Variants in CPNE8 observed in about 807,000 individuals in gnomAD.
CPNE8 encodes the protein copine 8.
In CPNE8, 45 loss-of-function variants were observed where a neutral mutation model predicts 81.5. The ratio of observed to expected loss-of-function variants is 0.55; its 90% CI spans 0.44 to 0.71. CPNE8 has a LOEUF of 0.71. CPNE8 is among the 30% of genes least tolerant of loss of function. The pLI, the probability that CPNE8 is intolerant of heterozygous loss-of-function variation, is 0.00. For synonymous variants in CPNE8, 252 were observed against 226.3 expected (o/e 1.11, Z -1.02); for missense variants, 594 against 672.1 (o/e 0.88, Z 1.28).
chr12:38,676,476 G>A (rs1392761203), intron 17 of CPNE8: 3 of 182,226 alleles, frequency 1.6e-5, no homozygotes, highest in African/African-American at 7.2e-5. Context: ...GGGGGAAAGT[G>A]GTAACAGATT....
chr12:38,896,987 T>C (rs1944396834), intron 1 of CPNE8, among the ~76,000 whole-genome samples: 1 of 152,112 alleles, frequency 6.6e-6, no homozygotes, highest in Admixed American at 6.5e-5. Flanking sequence ...TTTATTTCAT[T>C]TACTCATCCA....
intron 3 of CPNE8, among the ~76,000 whole-genome samples, chr12:38,869,648 T>C (rs1297063831): frequency 1.3e-5 from 2 of 152,226 alleles, no homozygotes; most frequent in Non-Finnish European, 2.9e-5. Flanking sequence ...TTCCTTTCTA[T>C]TCTTCCAGAC....
intron 6 of CPNE8, among the ~76,000 whole-genome samples, chr12:38,788,182 T>C (rs1210929258): frequency 6.6e-6 from 1 of 151,796 alleles, no homozygotes; most frequent in Admixed American, 6.6e-5. Context: ...CAGGCCAATA[T>C]CTCTGATGAA....
intron 6 of CPNE8, among the ~76,000 whole-genome samples, chr12:38,812,312 A>G (rs894987660): frequency 1.3e-5 from 2 of 152,198 alleles, no homozygotes; most frequent in African/African-American, 4.8e-5. Context: ...TGCTGCTAAT[A>G]AAGACATACC....
At chr12:38,702,942 A>G (rs186928511) in intron 13 of CPNE8, 21 bp from the exon 14 acceptor site, 15 of 1,508,362 alleles carry the variant, frequency 9.9e-6, no homozygotes, top group Non-Finnish European at 9.0e-7. Flanking sequence ...AGTAAACAAG[A>G]CTCATTAATA....
intron 10 of CPNE8, among the ~76,000 whole-genome samples, chr12:38,759,233 G>A (rs1031723956): frequency 5.3e-5 from 8 of 152,092 alleles, no homozygotes; most frequent in African/African-American, 1.9e-4. Context: ...TGCACTTTTT[G>A]TTTCTAAATG....
At chr12:38,711,107 A>G (rs1290535961) in intron 13 of CPNE8, among the ~76,000 whole-genome samples, 1 of 152,212 alleles carries the variant, frequency 6.6e-6, no homozygotes, top group African/African-American at 2.4e-5. Flanking sequence ...TATATGTTTC[A>G]AGAGAAAATT....
Position 38,857,675 on chromosome 12 carries a change from G to A in CPNE8, c.187-9013C>T, listed in dbSNP as rs147587161. Among the ~76,000 whole-genome samples the A allele has an allele frequency of 3.0e-3, 464 of 152,260 alleles. 5 individuals carry two copies. The highest frequency in any genetic ancestry group is 0.01 in the African/African-American group (429 of 41,542). ...CGCCTGTAATCCCAGCACTTTAAGAGGCCAGGGTGGGTGGATCACGAGGTC... is the reference window on the plus strand; with the variant it reads ...CGCCTGTAATCCCAGCACTTTAAGAAGCCAGGGTGGGTGGATCACGAGGTC... On this transcript the variant is annotated intron_variant, in intron 3 of 19. Transcript: ENST00000331366.
At chr12:38,864,379 C>T (rs1205734257) in intron 3 of CPNE8, among the ~76,000 whole-genome samples, 1 of 151,954 alleles carries the variant, frequency 6.6e-6, no homozygotes, top group Non-Finnish European at 1.5e-5. Context: ...CCCACCTAGC[C>T]TAAAATCTTT....
chr12:38,799,633 A>G (rs1207896586), intron 6 of CPNE8, among the ~76,000 whole-genome samples: 1 of 152,196 alleles, frequency 6.6e-6, no homozygotes, highest in East Asian at 1.9e-4. Context: ...CACAATTAAA[A>G]GAACTAGAAA....
At chr12:38,763,864 C>G (rs1941621399) in intron 8 of CPNE8, among the ~76,000 whole-genome samples, 1 of 151,870 alleles carries the variant, frequency 6.6e-6, no homozygotes, top group African/African-American at 2.4e-5. Flanking sequence ...AATATACTGC[C>G]CCTAACCCCC....
chr12:38,687,444 G>A (rs557845335), intron 15 of CPNE8, among the ~76,000 whole-genome samples: 120 of 142,790 alleles, frequency 8.4e-4, no homozygotes, highest in Middle Eastern at 7.5e-3. Context: ...TGTAATGGCC[G>A]GATCTCGGTT....
chr12:38,789,693 C>T (rs897726143), intron 6 of CPNE8, among the ~76,000 whole-genome samples: 1 of 151,668 alleles, frequency 6.6e-6, no homozygotes, highest in Non-Finnish European at 1.5e-5. Flanking sequence ...TGCAAACCAC[C>T]CATCTGACAA....
At chr12:38,904,362 T>C (rs1944531624) in intron 1 of CPNE8, among the ~76,000 whole-genome samples, 1 of 152,022 alleles carries the variant, frequency 6.6e-6, no homozygotes, top group South Asian at 2.1e-4. Flanking sequence ...AAATCATCTA[T>C]GATATAGCGG....
At chr12:38,869,726 C>A (rs1943963399) in intron 3 of CPNE8, among the ~76,000 whole-genome samples, 1 of 152,114 alleles carries the variant, frequency 6.6e-6, no homozygotes, top group South Asian at 2.1e-4. Context: ...TTGTATTTCC[C>A]CATCTTCAGC....
intron 3 of CPNE8, among the ~76,000 whole-genome samples, chr12:38,858,218 G>C (rs1006622902): frequency 3.9e-5 from 6 of 152,192 alleles, no homozygotes; most frequent in African/African-American, 1.4e-4. Flanking sequence ...TTGTCCTAAA[G>C]ACAGGAAGTT....
chr12:38,778,091 G>A (rs2136896198), intron 6 of CPNE8, among the ~76,000 whole-genome samples: 1 of 152,222 alleles, frequency 6.6e-6, no homozygotes, highest in Middle Eastern at 3.4e-3. Flanking sequence ...ATGACATTGA[G>A]TTGTATAATT....
intron 14 of CPNE8, among the ~76,000 whole-genome samples, chr12:38,694,695 A>G (rs866064708): frequency 6.6e-6 from 1 of 152,232 alleles, no homozygotes; most frequent in African/African-American, 2.4e-5. Context: ...ATTGAAATTC[A>G]CAACAAGTTG....
chr12:38,770,821 A>G (rs1941785530), intron 7 of CPNE8, among the ~76,000 whole-genome samples: 1 of 152,180 alleles, frequency 6.6e-6, no homozygotes. Flanking sequence ...CTTAGCTTAA[A>G]TGTCACTTTC....
Sources: allele counts gnomAD v4.1 joint callset (sites outside exome capture counted in the v4.1 genomes callset), GRCh38; gene constraint gnomAD v4.1.1; transcripts MANE v1.5; gene names NCBI Gene and HGNC (gene_info 2026-07-23, HGNC 2026-07-21).